Variants in SPOCK1 observed in about 807,000 individuals in gnomAD.
SPOCK1 encodes SPARC (osteonectin), cwcv and kazal like domains proteoglycan 1, also known as testican-1.
SPOCK1 carries 23 observed loss-of-function variants against 55.3 expected under a neutral mutation model. The observed-to-expected ratio is 0.42, with a 90% CI of 0.30 to 0.59. The LOEUF (loss-of-function observed/expected upper bound fraction) is 0.59. Ranked by LOEUF, SPOCK1 falls within the 20% of genes least tolerant of loss-of-function variation. The pLI is 0.22. For synonymous variants in SPOCK1, 226 were observed against 221.0 expected, an observed-to-expected ratio of 1.02 and a Z score of -0.20; for missense variants, 499 against 552.5, an observed-to-expected ratio of 0.90 and a Z score of 0.97.
chr5:137,423,648 T>C lies in SPOCK1; in HGVS notation c.186+74725A>G, dbSNP rs190073546. 5.9e-5 allele frequency among the ~76,000 whole-genome samples: 9 copies of C among 152,256 alleles called. No individual in the cohort carries two copies. The East Asian group carries it at 1.5e-3, about 26-fold the overall frequency. ...CTGTTGGAAAAGTGCAGTATTAGAG[T>C]GGGAGTGACCCGATTTTCCAGGTGC... On this transcript the variant is annotated intron_variant, in intron 2 of 10. Coordinates refer to ENST00000394945, the MANE Select transcript of SPOCK1 (RefSeq NM_004598.4).
chr5:137,269,401 T>TA (rs1756917650), intron 2 of SPOCK1, among the ~76,000 whole-genome samples: 1 of 152,202 alleles, frequency 6.6e-6, no homozygotes, highest in South Asian at 2.1e-4. Context: ...ATCACTGCTT[T>TA]GGCTGCAGCT....
rs141338972 is a variant in SPOCK1 at position 137,194,403 on chromosome 5, G to A, written c.233-53709C>T. ...GAAAGGGAACAGCTCGTACAAGGGC[G>A]CAGGAGTGAGAGAACATGCAGCCTG... On this transcript the variant is annotated intron_variant, in intron 3 of 10. Coordinates refer to ENST00000394945, the MANE Select transcript of SPOCK1 (RefSeq NM_004598.4). Among the ~76,000 whole-genome samples, 8 of 152,302 alleles carry A rather than the reference G, an allele frequency of 5.3e-5. No homozygotes were observed. The East Asian group carries it at 1.5e-3, about 29-fold the overall frequency.
intron 5 of SPOCK1, among the ~76,000 whole-genome samples, chr5:137,096,072 G>A (rs748140853): frequency 2.6e-5 from 4 of 152,156 alleles, no homozygotes; most frequent in Admixed American, 6.6e-5. Flanking sequence ...CACTGAAGGC[G>A]AGTGACAGAA....
In SPOCK1 at chr5:137,082,491, C is replaced by T. The variant is rs144882835; in HGVS notation, c.475-14662G>A. On this transcript the variant is annotated intron_variant, in intron 5 of 10. Transcript: ENST00000394945. ...CAGTCAAGAGGGGTGAGAACACAAA[C>T]CCTGTGATACAGACGCAGGCATTCA... is the stretch of plus-strand genomic sequence containing the variant. Among the ~76,000 whole-genome samples, 163 of 152,246 alleles carry T rather than the reference C, an allele frequency of 1.1e-3. 4 individuals are homozygous for T. In the Middle Eastern group the frequency reaches 0.027, roughly 25 times the overall value.
intron 6 of SPOCK1, among the ~76,000 whole-genome samples, chr5:137,035,862 A>C (rs1254754905): frequency 6.6e-6 from 1 of 152,158 alleles, no homozygotes. Flanking sequence ...CCAAGATAGG[A>C]GCAGGGTTGC....
intron 2 of SPOCK1, among the ~76,000 whole-genome samples, chr5:137,296,548 A>C (rs1757489134): frequency 2.0e-5 from 3 of 152,172 alleles, no homozygotes; most frequent in African/African-American, 7.2e-5. Context: ...GTCTGTGAAC[A>C]TTACTGTTGG....
At chr5:137,352,421 G>A (rs776663649) in intron 2 of SPOCK1, among the ~76,000 whole-genome samples, 8 of 152,176 alleles carry the variant, frequency 5.3e-5, no homozygotes, top group African/African-American at 1.4e-4. Context: ...GTTATAACGC[G>A]GTGACTGCTG....
At chr5:137,419,235 A>G (rs1291459066) in intron 2 of SPOCK1, among the ~76,000 whole-genome samples, 4 of 151,972 alleles carry the variant, frequency 2.6e-5, no homozygotes, top group Admixed American at 6.6e-5. Context: ...CAGGTAGGGT[A>G]ATGCCTCCAG....
At chr5:137,246,000 C>T (rs1456048131) in intron 3 of SPOCK1, among the ~76,000 whole-genome samples, 2 of 152,198 alleles carry the variant, frequency 1.3e-5, no homozygotes, top group East Asian at 1.9e-4. Flanking sequence ...ATTAACAGGA[C>T]AAGGACCATC....
At chr5:137,049,000 C>G (rs199787970) in intron 6 of SPOCK1, among the ~76,000 whole-genome samples, 73,517 of 125,094 alleles carry the variant, frequency 0.59, 24,353 homozygotes, top group Non-Finnish European at 0.76. Flanking sequence ...GGGTTTCTGC[C>G]GAGAGATCCG....
chr5:137,066,987 C>CAAACACACAGAGAGAGAGAGAG lies in SPOCK1; in HGVS notation c.589+727_589+728insCTCTCTCTCTCTCTGTGTGTTT, dbSNP rs1343691789. ...ATACACACACACACACACACACACA[C>CAAACACACAGAGAGAGAGAGAG]AGAGAGAGAGAGAGAGAGAGAGAAA... On this transcript the variant is annotated intron_variant, in intron 6 of 10. Transcript: ENST00000394945. Among the ~76,000 whole-genome samples, 3 of 139,588 alleles carry CAAACACACAGAGAGAGAGAGAG rather than the reference C, an allele frequency of 2.1e-5. No individual in the cohort carries two copies. In the Admixed American group the frequency reaches 2.2e-4, roughly 10 times the overall value. The allele number at this position is 139,588 out of a possible 152,430, so 91.6% of individuals were successfully genotyped here.
intron 10 of SPOCK1, 47 bp downstream of exon 10, chr5:136,979,285 C>A: frequency 6.2e-7 from 1 of 1,611,138 alleles, no homozygotes; most frequent in South Asian, 1.1e-5. Context: ...TGAGGAACCA[C>A]AGGCCACCCA....
intron 3 of SPOCK1, among the ~76,000 whole-genome samples, chr5:137,176,990 T>A (rs1754866224): frequency 6.6e-6 from 1 of 152,180 alleles, no homozygotes; most frequent in Admixed American, 6.5e-5. Context: ...TTTTGAAAGT[T>A]CAGATCATGT....
intron 2 of SPOCK1, among the ~76,000 whole-genome samples, chr5:137,487,994 T>C (rs1169004642): frequency 1.3e-5 from 2 of 152,228 alleles, no homozygotes; most frequent in Non-Finnish European, 2.9e-5. Flanking sequence ...TATTATTCAT[T>C]GCAGCTAAAT....
intron 3 of SPOCK1, among the ~76,000 whole-genome samples, chr5:137,212,549 C>T (rs1485621973): frequency 6.6e-6 from 1 of 152,160 alleles, no homozygotes; most frequent in East Asian, 1.9e-4. Context: ...TGGACAGAAG[C>T]AGACAGCAGG....
rs182202334 is a variant in SPOCK1, at chr5:137,030,384, A to C, written c.589+37331T>G. On this transcript the variant is annotated intron_variant, in intron 6 of 10. Coordinates refer to ENST00000394945, the MANE Select transcript of SPOCK1 (RefSeq NM_004598.4). Reference sequence around the variant, plus strand: ...GAACCATTAGTGACTACGCCATGGCAATTCGATGCAAGAGCAGAGGTATTA... The same window carrying C: ...GAACCATTAGTGACTACGCCATGGCCATTCGATGCAAGAGCAGAGGTATTA... Among the ~76,000 whole-genome samples, 1,025 of 152,372 alleles carry C rather than the reference A, an allele frequency of 6.7e-3. 4 individuals are homozygous for C. The highest frequency in any genetic ancestry group is 0.011 in the Non-Finnish European group (778 of 68,046).
At chr5:137,246,004 G>C (rs1169293947) in intron 3 of SPOCK1, among the ~76,000 whole-genome samples, 19 of 152,132 alleles carry the variant, frequency 1.2e-4, no homozygotes. Context: ...ACAGGACAAG[G>C]ACCATCTTTA....
chr5:137,236,038 G>A (rs4976423), intron 3 of SPOCK1, among the ~76,000 whole-genome samples: 98 of 152,268 alleles, frequency 6.4e-4, no homozygotes, highest in African/African-American at 2.1e-3. Context: ...CTCCCAGGGC[G>A]GTGGGGCTTC....
At chr5:137,481,341 G>T (rs2149842454) in intron 2 of SPOCK1, among the ~76,000 whole-genome samples, 1 of 152,308 alleles carries the variant, frequency 6.6e-6, no homozygotes, top group South Asian at 2.1e-4. Flanking sequence ...CCAAGATTTA[G>T]TCTTGAATTT....
Sources: gnomAD v4.1 joint callset for allele counts (sites outside exome capture counted in the v4.1 genomes callset) on GRCh38, gnomAD v4.1.1 for gene constraint, MANE v1.5 for transcripts, NCBI Gene and HGNC (gene_info 2026-07-23, HGNC 2026-07-21) for gene names.